The following RASA1 variants were observed in gnomAD, a reference collection of about 807,000 sequenced individuals.
RASA1 encodes ras GTPase-activating protein 1.
A neutral mutation model predicts 132.2 loss-of-function variants in RASA1; 25 were observed. That is an observed-to-expected ratio of 0.19 (90% CI 0.14 to 0.26). The LOEUF is 0.26. Ranked by LOEUF, RASA1 falls within the 10% of genes least tolerant of loss-of-function variation. The pLI is 1.00. For missense variants in RASA1, 964 were observed against 1,299.2 expected (o/e 0.74, Z 3.97); for synonymous variants, 477 against 449.9 (o/e 1.06, Z -0.76).
Position 87,267,902 on chromosome 5 carries a change from T to C in RASA1, c.-550T>C, listed in dbSNP as rs1337461390. 1.0e-5 allele frequency: 4 copies of C among 382,488 alleles called. No individual in the cohort carries two copies. The highest frequency in any genetic ancestry group is 1.8e-5 in the Non-Finnish European group (4 of 217,052). 23.7% of individuals were successfully genotyped at this position (382,488 alleles called of 1,614,324 possible). ...CGTTTCACTCACTGAGAGCTCCAGG[T>C]AGTGAGCAGTTCAGTCGATTTCCTC... On this transcript the variant is annotated 5_prime_UTR_variant, in exon 1 of 25. Transcript: ENST00000274376.
At chr5:87,335,411 A>G (rs1323596931) in intron 4 of RASA1, among the ~76,000 whole-genome samples, 4 of 150,200 alleles carry the variant, frequency 2.7e-5, no homozygotes, top group African/African-American at 9.8e-5. Context: ...AAGATAATAA[A>G]GAATGAGGTT....
intron 8 of RASA1, among the ~76,000 whole-genome samples, chr5:87,350,246 T>C (rs1396374073): frequency 6.6e-6 from 1 of 151,814 alleles, no homozygotes; most frequent in African/African-American, 2.4e-5. Context: ...AAGATGTGAG[T>C]CTAGGCAGCT....
At position 87,379,858 on chromosome 5, in the gene RASA1, G is replaced by T. The variant is rs1761585268; in HGVS notation, c.2603+8G>T. The T allele has an allele frequency of 1.2e-6, 2 of 1,610,760 alleles. No individual in the cohort carries two copies. The highest frequency in any genetic ancestry group is 2.2e-5 in the South Asian group (2 of 90,942). ...TTCAGAAATACTTCCACCGTAAGTG[G>T]TGAAATTTTCATTTGACAAGAAATT... On this transcript the variant is annotated splice_region_variant and intron_variant, in intron 19 of 24. Transcript: ENST00000274376.
intron 1 of RASA1, among the ~76,000 whole-genome samples, chr5:87,275,146 A>G (rs1754009978): frequency 6.6e-6 from 1 of 152,226 alleles, no homozygotes; most frequent in African/African-American, 2.4e-5. Context: ...GCCATTGGTG[A>G]AATGAACAGA....
Position 87,268,022 on chromosome 5 carries a change from C to T in RASA1, c.-430C>T, listed in dbSNP as rs930753225. On this transcript the variant is annotated 5_prime_UTR_variant, in exon 1 of 25. Transcript: ENST00000274376. ...AGTGGCCCCAGCCTCAGCAGCGGCA[C>T]CGGCGGTGGCTGCGGTGTGGGTGGC... is the stretch of plus-strand genomic sequence containing the variant. The T allele has an allele frequency of 2.5e-5, 10 of 406,482 alleles. No homozygotes were observed. Among genetic ancestry groups the T allele is most frequent in the Non-Finnish European group, 3.9e-5 (9 of 231,276 alleles). The allele number at this position is 406,482 out of a possible 1,614,324, so 25.2% of individuals were successfully genotyped here.
chr5:87,359,411 ATGT>A (rs1390993808), intron 9 of RASA1, among the ~76,000 whole-genome samples: 2 of 152,164 alleles, frequency 1.3e-5, no homozygotes, highest in Non-Finnish European at 2.9e-5. Flanking sequence ...TTGAAAAGTG[ATGT>A]TGTGTTTTTG....
chr5:87,385,491 T>C, intron 22 of RASA1, 102 bp downstream of exon 22: 1 of 870,816 alleles, frequency 1.1e-6, no homozygotes, highest in Admixed American at 2.1e-5. Flanking sequence ...GTGAAATTTT[T>C]AGCGATGAAA....
chr5:87,354,605 G>C (rs1759516766), intron 9 of RASA1, among the ~76,000 whole-genome samples: 1 of 151,928 alleles, frequency 6.6e-6, no homozygotes, highest in Admixed American at 6.6e-5. Context: ...ATTAAAATTG[G>C]GCCAATTAAT....
intron 9 of RASA1, among the ~76,000 whole-genome samples, chr5:87,360,674 T>A (rs980890674): frequency 3.9e-5 from 6 of 152,200 alleles, no homozygotes; most frequent in Non-Finnish European, 7.3e-5. Context: ...TTAGTCTCAT[T>A]TCTTTTTAGC....
At chr5:87,277,015 A>T (rs6452749) in intron 1 of RASA1, among the ~76,000 whole-genome samples, 3,236 of 151,752 alleles carry the variant, frequency 0.021, 112 homozygotes, top group African/African-American at 0.073. Context: ...ATTTTTTTTT[A>T]AATTTTAGAG....
At chr5:87,306,956 T>C (rs1192951959) in intron 1 of RASA1, among the ~76,000 whole-genome samples, 1 of 152,158 alleles carries the variant, frequency 6.6e-6, no homozygotes, top group Non-Finnish European at 1.5e-5. Flanking sequence ...ACTCCTGGGC[T>C]CAAGCAGTCC....
intron 1 of RASA1, among the ~76,000 whole-genome samples, chr5:87,274,667 A>G (rs1296006394): frequency 6.6e-6 from 1 of 152,208 alleles, no homozygotes. Flanking sequence ...GTTAAGATAA[A>G]TATCACGAGT....
At chr5:87,342,070 C>G (rs1001570114) in intron 6 of RASA1, among the ~76,000 whole-genome samples, 1 of 151,994 alleles carries the variant, frequency 6.6e-6, no homozygotes, top group African/African-American at 2.4e-5. Flanking sequence ...AAAATAGATT[C>G]CATTAGTGAG....
chr5:87,378,161 G>A (rs1761450586), intron 17 of RASA1, among the ~76,000 whole-genome samples: 1 of 152,234 alleles, frequency 6.6e-6, no homozygotes, highest in South Asian at 2.1e-4. Flanking sequence ...ATATGAACAT[G>A]GCAGTGTTAA....
chr5:87,347,182 T>G (rs1165120246), intron 7 of RASA1, among the ~76,000 whole-genome samples: 1 of 152,048 alleles, frequency 6.6e-6, no homozygotes, highest in African/African-American at 2.4e-5. Flanking sequence ...TTAACTAGTC[T>G]TCAGTAGAAC....
At chr5:87,370,898 C>T (rs955633797) in intron 12 of RASA1, among the ~76,000 whole-genome samples, 1 of 152,068 alleles carries the variant, frequency 6.6e-6, no homozygotes, top group East Asian at 1.9e-4. Flanking sequence ...TACAACTGAA[C>T]GTCATATTTC....
At chr5:87,319,937 G>A (rs912142688) in intron 1 of RASA1, among the ~76,000 whole-genome samples, 4 of 152,170 alleles carry the variant, frequency 2.6e-5, no homozygotes, top group Non-Finnish European at 5.9e-5. Flanking sequence ...ATACATATGA[G>A]CATATACTTT....
At chr5:87,357,402 T>C (rs899021432) in intron 9 of RASA1, among the ~76,000 whole-genome samples, 2 of 152,086 alleles carry the variant, frequency 1.3e-5, no homozygotes, top group Admixed American at 1.3e-4. Flanking sequence ...TCCCCTTGGC[T>C]CTTTGAGTTA....
chr5:87,332,471 G>T (rs1341363228), intron 2 of RASA1, 36 bp from the exon 3 acceptor site: 2 of 1,573,274 alleles, frequency 1.3e-6, no homozygotes, highest in African/African-American at 1.4e-5. Context: ...TGGCTGTAAA[G>T]ATTTTTTTAT....
Sources: gnomAD v4.1 joint callset for allele counts (sites outside exome capture counted in the v4.1 genomes callset) on GRCh38, gnomAD v4.1.1 for gene constraint, MANE v1.5 for transcripts, NCBI Gene and HGNC (gene_info 2026-07-23, HGNC 2026-07-21) for gene names.